RNF4: variants seen among roughly 807,000 people sequenced by gnomAD.
RNF4 encodes the protein E3 ubiquitin-protein ligase RNF4.
Under a neutral mutation model 24.3 loss-of-function variants are expected in RNF4, and 7 were observed. The ratio of observed to expected loss-of-function variants is 0.29; its 90% CI spans 0.16 to 0.54. The LOEUF is 0.54. Ranked by LOEUF, RNF4 falls within the 20% of genes least tolerant of loss-of-function variation. The probability of loss-of-function intolerance (pLI) is 0.95; values close to 1 mark genes in which losing one functional copy is unlikely to be tolerated. For synonymous variants in RNF4, 83 were observed against 84.3 expected, an observed-to-expected ratio of 0.98 and a Z score of 0.09; for missense variants, 209 against 248.5, an observed-to-expected ratio of 0.84 and a Z score of 1.07.
chr4:2,481,104 T>C (rs547069325), intron 1 of RNF4: 17 of 152,348 alleles, frequency 1.1e-4, no homozygotes, highest in African/African-American at 3.8e-4. Flanking sequence ...TTTGTGTCCA[T>C]CTGATGTTAC....
chr4:2,483,895 C>T lies in RNF4; in HGVS notation c.-157-6442C>T, dbSNP rs143143913. Among the ~76,000 whole-genome samples the T allele has an allele frequency of 7.5e-3, 1,140 of 151,578 alleles. 17 individuals are homozygous for T. Among genetic ancestry groups the T allele is most frequent in the African/African-American group, 0.026 (1,080 of 41,284 alleles). On this transcript the variant is annotated intron_variant, in intron 1 of 7. Coordinates refer to ENST00000314289, the MANE Select transcript of RNF4 (RefSeq NM_002938.5). ...TTGCGCAGGCTGGAGTGCAATGGTG[C>T]GATCTCGGCTCACCTCCACCTCTTG... is the stretch of plus-strand genomic sequence containing the variant.
chr4:2,496,919 G>C, intron 2 of RNF4, 88 bp from the exon 3 acceptor site: 1 of 927,224 alleles, frequency 1.1e-6, no homozygotes, highest in Non-Finnish European at 1.6e-6. Flanking sequence ...TCTTAATGAA[G>C]TGAACCATTT....
intron 1 of RNF4, among the ~76,000 whole-genome samples, chr4:2,474,040 C>T (rs1044996679): frequency 6.6e-6 from 1 of 151,758 alleles, no homozygotes; most frequent in Non-Finnish European, 1.5e-5. Context: ...AAGATCGGGC[C>T]ACTGCACTCA....
chr4:2,501,519 T>C (rs1735910861), intron 4 of RNF4, among the ~76,000 whole-genome samples: 1 of 152,192 alleles, frequency 6.6e-6, no homozygotes, highest in Admixed American at 6.5e-5. Flanking sequence ...GAGGGAGGCC[T>C]TGTCTGGTCA....
intron 1 of RNF4, among the ~76,000 whole-genome samples, chr4:2,472,999 C>T (rs1734953525): frequency 6.6e-6 from 1 of 151,710 alleles, no homozygotes; most frequent in Non-Finnish European, 1.5e-5. Context: ...AAGATAGCAC[C>T]ACTGCACTCC....
chr4:2,474,672 A>G (rs1190463020), intron 1 of RNF4, among the ~76,000 whole-genome samples: 1 of 152,230 alleles, frequency 6.6e-6, no homozygotes, highest in African/African-American at 2.4e-5. Context: ...ATTGCACGCT[A>G]CAGAGAAATC....
At chr4:2,496,128 C>T (rs1735729139) in intron 2 of RNF4, among the ~76,000 whole-genome samples, 1 of 152,188 alleles carries the variant, frequency 6.6e-6, no homozygotes, top group Non-Finnish European at 1.5e-5. Context: ...CCACTGGGAA[C>T]AGGCTTAAAA....
At chr4:2,503,505 A>G (rs1377342048) in intron 4 of RNF4, among the ~76,000 whole-genome samples, 1 of 152,220 alleles carries the variant, frequency 6.6e-6, no homozygotes, top group Non-Finnish European at 1.5e-5. Context: ...CAGTGGATTT[A>G]TCTCACACTG....
At chr4:2,505,099 A>G (rs1047749125) in intron 4 of RNF4, 1 of 151,888 alleles carries the variant, frequency 6.6e-6, no homozygotes, top group African/African-American at 2.4e-5. Context: ...AGGACTTTTC[A>G]CTTTAGTACC....
chr4:2,487,301 T>C (rs1735438984), intron 1 of RNF4, among the ~76,000 whole-genome samples: 1 of 152,104 alleles, frequency 6.6e-6, no homozygotes, highest in South Asian at 2.1e-4. Flanking sequence ...ATTTTTATTT[T>C]TTGAGACAGA....
chr4:2,508,552 G>A (rs988354003), intron 4 of RNF4, among the ~76,000 whole-genome samples: 4 of 152,112 alleles, frequency 2.6e-5, no homozygotes, highest in South Asian at 2.1e-4. Context: ...GGCTGTGGTC[G>A]TTGGTTTTGT....
At chr4:2,477,316 G>A (rs1404661676) in intron 1 of RNF4, among the ~76,000 whole-genome samples, 1 of 152,104 alleles carries the variant, frequency 6.6e-6, no homozygotes, top group African/African-American at 2.4e-5. Context: ...GTCGGGGGCG[G>A]TGGCTGATGC....
intron 1 of RNF4, among the ~76,000 whole-genome samples, chr4:2,484,270 T>TA (rs1252226661): frequency 1.3e-5 from 2 of 151,864 alleles, no homozygotes; most frequent in African/African-American, 4.8e-5. Context: ...GCTGCAGAGT[T>TA]ACGATATCAT....
intron 3 of RNF4, chr4:2,499,491 G>A (rs1342175157): frequency 3.3e-6 from 1 of 303,248 alleles, no homozygotes; most frequent in Non-Finnish European, 6.5e-6. Context: ...GGTCAGGCTG[G>A]TCTCGAACTC....
Position 2,512,318 on chromosome 4 carries a change from G to C in RNF4, c.215-120G>C. 8.3e-7 allele frequency: 1 copy of C among 1,205,892 alleles called. No individual in the cohort carries two copies. The highest frequency in any genetic ancestry group is 1.2e-6 in the Non-Finnish European group (1 of 838,840). 74.7% of individuals were successfully genotyped at this position (1,205,892 alleles called of 1,614,324 possible). On this transcript the variant is annotated intron_variant, in intron 5 of 7. Transcript: ENST00000314289. The surrounding 1 kb of genome is among the most constrained non-coding windows in gnomAD (Gnocchi z 4.1). ...TGGGTTATAGCTGAGCATGGCAGCA[G>C]TTTGTCTCTGGGGGTCCCAGGCAGG...
Position 2,512,878 on chromosome 4 carries a change from A to G in RNF4, c.375-205A>G, listed in dbSNP as rs1475343871. ...GGCCTGGGGGAGGGCAGGGTGACTC[A>G]GGTTGTGTGCACCTTCTCATGTTCA... On this transcript the variant is annotated intron_variant, in intron 6 of 7. Transcript: ENST00000314289. The surrounding 1 kb of genome is among the most constrained non-coding windows in gnomAD (Gnocchi z 4.1). 6.6e-6 allele frequency among the ~76,000 whole-genome samples: 1 copy of G among 152,134 alleles called. No homozygotes were observed. The highest frequency in any genetic ancestry group is 1.5e-5 in the Non-Finnish European group (1 of 67,998).
At chr4:2,510,984 G>T (rs1736255875) in intron 4 of RNF4, among the ~76,000 whole-genome samples, 1 of 152,232 alleles carries the variant, frequency 6.6e-6, no homozygotes, top group Non-Finnish European at 1.5e-5. Context: ...TGCATAGCCT[G>T]CTTTTCTCTG....
intron 2 of RNF4, among the ~76,000 whole-genome samples, chr4:2,493,449 T>G (rs1352019167): frequency 6.6e-6 from 1 of 152,074 alleles, no homozygotes; most frequent in East Asian, 1.9e-4. Context: ...CACAGGTAGC[T>G]GTGGGACATG....
intron 2 of RNF4, 113 bp from the exon 3 acceptor site, chr4:2,496,894 G>A (rs1735751879): frequency 1.4e-6 from 1 of 698,272 alleles, no homozygotes; most frequent in Admixed American, 3.0e-5. Flanking sequence ...CTAACTTCAA[G>A]TCTACTCGCT....
Sources: allele counts gnomAD v4.1 joint callset (sites outside exome capture counted in the v4.1 genomes callset), GRCh38; gene constraint gnomAD v4.1.1; non-coding constraint Gnocchi (gnomAD v3.1); transcripts MANE v1.5; gene names NCBI Gene and HGNC (gene_info 2026-07-23, HGNC 2026-07-21).